The following SND1 variants were observed in gnomAD, a reference collection of about 807,000 sequenced individuals.
The protein encoded by SND1 is staphylococcal nuclease domain-containing protein 1.
Under a neutral mutation model 121.7 loss-of-function variants are expected in SND1, and 38 were observed. The ratio of observed to expected loss-of-function variants is 0.31; its 90% confidence interval spans 0.24 to 0.41. The LOEUF is 0.41. SND1 is among the 10% of genes least tolerant of loss of function. The probability of loss-of-function intolerance (pLI) is 1.00; values close to 1 mark genes in which losing one functional copy is unlikely to be tolerated. For missense variants in SND1, 868 were observed against 1,184.6 expected, an observed-to-expected ratio of 0.73 and a Z score of 3.92; for synonymous variants, 401 against 447.4, an observed-to-expected ratio of 0.90 and a Z score of 1.31.
At position 127,661,319 on chromosome 7, in the gene SND1, G is replaced by A. The variant is rs147805396; in HGVS notation, c.78+8868G>A. On this transcript the variant is annotated intron_variant, in intron 1 of 23. Transcript: ENST00000354725. ...TATGCTCATTTTAACACTCATCTGC[G>A]ACTTTTCCTTCTGTTTGCATAGATT... Among the ~76,000 whole-genome samples, 354 of 152,190 alleles carry A rather than the reference G, an allele frequency of 2.3e-3. 3 individuals are homozygous for A. The highest frequency in any genetic ancestry group is 3.2e-3 in the Non-Finnish European group (221 of 68,010).
chr7:127,806,631 G>A (rs931874504), intron 10 of SND1, among the ~76,000 whole-genome samples: 1 of 152,062 alleles, frequency 6.6e-6, no homozygotes, highest in Admixed American at 6.6e-5. Context: ...TTAGTCCCTA[G>A]TCTGTATCAC....
intron 16 of SND1, among the ~76,000 whole-genome samples, chr7:128,021,942 G>T (rs180950333): frequency 1.3e-5 from 2 of 152,100 alleles, no homozygotes; most frequent in African/African-American, 2.4e-5. Context: ...AGTGGCTGAC[G>T]CCTGTAATCC....
intron 3 of SND1, among the ~76,000 whole-genome samples, chr7:127,695,912 G>C (rs1434306179): frequency 6.6e-6 from 1 of 152,130 alleles, no homozygotes; most frequent in Non-Finnish European, 1.5e-5. Flanking sequence ...ATGCTTCATG[G>C]GATATTAGAT....
intron 10 of SND1, among the ~76,000 whole-genome samples, chr7:127,791,544 C>T (rs1184623821): frequency 1.3e-5 from 2 of 152,100 alleles, no homozygotes; most frequent in African/African-American, 4.8e-5. Context: ...TAAATATATT[C>T]ACTTTATTGT....
intron 11 of SND1, among the ~76,000 whole-genome samples, chr7:127,826,566 C>G (rs1237946107): frequency 1.3e-5 from 2 of 152,086 alleles, no homozygotes; most frequent in Non-Finnish European, 2.9e-5. Flanking sequence ...TTTTTCCCAT[C>G]CTTTTATGTC....
chr7:128,066,451 G>A (rs1562887829), intron 16 of SND1, among the ~76,000 whole-genome samples: 1 of 152,212 alleles, frequency 6.6e-6, no homozygotes, highest in Non-Finnish European at 1.5e-5. Flanking sequence ...TGGGGGATTA[G>A]GAGCAGAGGC....
chr7:127,908,361 CGT>C (rs1491405630), intron 14 of SND1, among the ~76,000 whole-genome samples: 1 of 117,424 alleles, frequency 8.5e-6, no homozygotes, highest in Non-Finnish European at 1.8e-5. Flanking sequence ...TGTGTGTGTG[CGT>C]GCGTGTTGAC....
At chr7:127,856,301 C>G (rs951178783) in intron 12 of SND1, among the ~76,000 whole-genome samples, 2 of 152,156 alleles carry the variant, frequency 1.3e-5, no homozygotes, top group Admixed American at 6.5e-5. Context: ...ATCTACTTTA[C>G]CTGTTTATCT....
intron 10 of SND1, among the ~76,000 whole-genome samples, chr7:127,786,187 G>T (rs1438703450): frequency 6.6e-6 from 1 of 151,892 alleles, no homozygotes; most frequent in Admixed American, 6.5e-5. Context: ...AAATTTGAGG[G>T]TAAATTTGGT....
At chr7:127,985,146 CT>C (rs1256953983) in intron 15 of SND1, among the ~76,000 whole-genome samples, 1 of 152,230 alleles carries the variant, frequency 6.6e-6, no homozygotes, top group Non-Finnish European at 1.5e-5. Context: ...CCATTCCCAG[CT>C]TGTGGTGTGC....
chr7:127,971,153 CAG>C (rs1801978132), intron 15 of SND1, among the ~76,000 whole-genome samples: 1 of 152,162 alleles, frequency 6.6e-6, no homozygotes, highest in East Asian at 1.9e-4. Context: ...GAGTTCAGCA[CAG>C]AGTTATTTCG....
intron 14 of SND1, 135 bp downstream of exon 14, chr7:127,904,954 C>A: frequency 1.6e-6 from 1 of 612,862 alleles, no homozygotes; most frequent in Non-Finnish European, 3.0e-6. Flanking sequence ...TTTTCCCCAC[C>A]CCGGGGCATC....
intron 9 of SND1, among the ~76,000 whole-genome samples, chr7:127,708,147 G>A (rs543957444): frequency 7.2e-5 from 11 of 152,172 alleles, no homozygotes; most frequent in Admixed American, 3.9e-4. Context: ...TTATAAAACA[G>A]GCTTTGTGTT....
intron 15 of SND1, among the ~76,000 whole-genome samples, chr7:127,959,716 C>T (rs1405187936): frequency 6.6e-6 from 1 of 152,180 alleles, no homozygotes; most frequent in African/African-American, 2.4e-5. Context: ...ATGCATTTTA[C>T]TGGCTTGTCT....
intron 12 of SND1, among the ~76,000 whole-genome samples, chr7:127,861,629 C>T (rs1471178588): frequency 6.6e-6 from 1 of 152,136 alleles, no homozygotes; most frequent in Non-Finnish European, 1.5e-5. Context: ...TGCCCACCAC[C>T]ACACCCAGCT....
chr7:127,895,912 C>T (rs1179217913), intron 13 of SND1, among the ~76,000 whole-genome samples: 1 of 152,060 alleles, frequency 6.6e-6, no homozygotes, highest in Non-Finnish European at 1.5e-5. Context: ...TTCCTTCTGA[C>T]ATAACTCATG....
intron 10 of SND1, among the ~76,000 whole-genome samples, chr7:127,763,324 T>A (rs1024879525): frequency 6.6e-6 from 1 of 152,150 alleles, no homozygotes; most frequent in Non-Finnish European, 1.5e-5. Flanking sequence ...CAAGCATATG[T>A]GCACATCATA....
intron 12 of SND1, among the ~76,000 whole-genome samples, chr7:127,847,629 C>G (rs1201206157): frequency 6.6e-6 from 1 of 152,188 alleles, no homozygotes; most frequent in East Asian, 1.9e-4. Flanking sequence ...TTGTGATTTA[C>G]ACCCCCTCAT....
intron 14 of SND1, among the ~76,000 whole-genome samples, chr7:127,925,975 C>CT (rs560629643): frequency 4.9e-4 from 74 of 151,486 alleles, no homozygotes; most frequent in Non-Finnish European, 8.5e-4. Flanking sequence ...GGAAATGTGT[C>CT]TAAGAGACTG....
Sources: gnomAD v4.1 joint callset for allele counts (sites outside exome capture counted in the v4.1 genomes callset) on GRCh38, gnomAD v4.1.1 for gene constraint, MANE v1.5 for transcripts, NCBI Gene and HGNC (gene_info 2026-07-23, HGNC 2026-07-21) for gene names.